Variants in AASS observed in about 807,000 individuals in gnomAD.
AASS encodes the protein aminoadipate-semialdehyde synthase.
In AASS, 86 loss-of-function variants were observed where a neutral mutation model predicts 105.4. That is an observed-to-expected ratio of 0.82 (90% CI 0.69 to 0.98). AASS has a LOEUF of 0.98. Among genes scored for constraint, AASS ranks in the 50% least tolerant of loss-of-function variants. The probability of loss-of-function intolerance (pLI) is 0.00; values close to 1 mark genes in which losing one functional copy is unlikely to be tolerated. For synonymous variants in AASS, 381 were observed against 394.8 expected (o/e 0.96, Z 0.41); for missense variants, 1,048 against 1,143.2 (o/e 0.92, Z 1.20).
chr7:122,118,504 TTTA>T (rs1318401171), intron 5 of AASS, 51 bp from the exon 6 acceptor site: 1 of 1,614,044 alleles, frequency 6.2e-7, no homozygotes, highest in Admixed American at 1.7e-5. Context: ...CAGCATTTTT[TTTA>T]TTATTAAGGT....
intron 3 of AASS, 124 bp from the exon 4 acceptor site, chr7:122,126,583 G>T: frequency 1.2e-6 from 1 of 821,602 alleles, no homozygotes; most frequent in Non-Finnish European, 2.1e-6. Context: ...CTTGCTAACA[G>T]AAGCTACCAT....
At chr7:122,094,229 C>A (rs900760522) in intron 15 of AASS, among the ~76,000 whole-genome samples, 8 of 152,150 alleles carry the variant, frequency 5.3e-5, no homozygotes, top group Middle Eastern at 3.4e-3. Flanking sequence ...GCACATGTAA[C>A]CCCTGATTGT....
At chr7:122,084,640 A>G (rs1279517135) in intron 19 of AASS, among the ~76,000 whole-genome samples, 1 of 152,110 alleles carries the variant, frequency 6.6e-6, no homozygotes, top group East Asian at 1.9e-4. Flanking sequence ...CAGAGAAGAA[A>G]AGAATAAAGC....
At chr7:122,136,378 C>T (rs901263938) in intron 1 of AASS, among the ~76,000 whole-genome samples, 1 of 152,188 alleles carries the variant, frequency 6.6e-6, no homozygotes, top group African/African-American at 2.4e-5. Flanking sequence ...AGAAAAAAAG[C>T]TGCACACAGC....
chr7:122,123,338 G>C (rs1795517845), intron 4 of AASS, among the ~76,000 whole-genome samples: 1 of 152,128 alleles, frequency 6.6e-6, no homozygotes, highest in Non-Finnish European at 1.5e-5. Flanking sequence ...AATTTCTCCA[G>C]ACAGAAAGCC....
intron 11 of AASS, among the ~76,000 whole-genome samples, chr7:122,102,742 T>G (rs1794488054): frequency 6.6e-6 from 1 of 152,066 alleles, no homozygotes; most frequent in Non-Finnish European, 1.5e-5. Context: ...TACCCTTGTC[T>G]ATCTCACTGC....
chr7:122,087,674 C>G (rs1029155220), intron 18 of AASS, among the ~76,000 whole-genome samples: 2 of 152,128 alleles, frequency 1.3e-5, no homozygotes, highest in African/African-American at 2.4e-5. Context: ...ATAGCCTGAG[C>G]GACACAGCAA....
At position 122,077,912 on chromosome 7, in the gene AASS, TC is replaced by T; in HGVS notation, c.2587del (p.Asp863ThrfsTer33). 2 of 1,614,116 alleles carry T rather than the reference TC, an allele frequency of 1.2e-6. No homozygotes were observed. Among genetic ancestry groups the T allele is most frequent in the Non-Finnish European group, 1.7e-6 (2 of 1,180,006 alleles). On this transcript the variant is annotated frameshift_variant, in exon 23 of 24. Transcript: ENST00000417368. LOFTEE classifies it high-confidence loss of function. ...AGCCATGGCTGAAAAGCCATTGATGTCCCCATAAGCCACAAGATCAATCGTT... is the reference window on the plus strand; with the variant it reads ...AGCCATGGCTGAAAAGCCATTGATGTCCCATAAGCCACAAGATCAATCGTT... ...HKTIDLVAYG[D>X]INGFSAMAKT...
rs531319319 is a variant in AASS at position 122,079,206 on chromosome 7, C to T, written c.2397-256G>A. 1.3e-5 allele frequency: 18 copies of T among 1,393,628 alleles called. No homozygotes were observed. In the African/African-American group the frequency reaches 2.6e-4, roughly 20 times the overall value. 86.3% of individuals were successfully genotyped at this position (1,393,628 alleles called of 1,614,324 possible). On this transcript the variant is annotated intron_variant, in intron 21 of 23. Transcript: ENST00000417368. ...GATGGATTGTAATCCCATGTTCTTA[C>T]AAAGATCTTTATGAGATTAATTTAT...
At chr7:122,104,916 C>A (rs1449548850) in intron 11 of AASS, among the ~76,000 whole-genome samples, 3 of 151,848 alleles carry the variant, frequency 2.0e-5, no homozygotes, top group African/African-American at 7.3e-5. Flanking sequence ...ACATGTACCC[C>A]CGAACCTAAA....
At chr7:122,095,124 A>AT (rs1794087083) in intron 15 of AASS, among the ~76,000 whole-genome samples, 2 of 151,834 alleles carry the variant, frequency 1.3e-5, no homozygotes. Flanking sequence ...TCATCCCTAT[A>AT]TTTCTACAGC....
rs1488642249 is a variant in AASS at position 122,094,142 on chromosome 7, CTA to C, written c.1656-986_1656-985del. Among the ~76,000 whole-genome samples the C allele has an allele frequency of 5.9e-5, 9 of 152,228 alleles. No homozygotes were observed. The East Asian group carries it at 1.6e-3, about 26-fold the overall frequency. ...GGGCTGAAAAACAACCTACTGGGTACTATGCTTGCTACTTGGTGACAGATTCA... is the reference window on the plus strand; with the variant it reads ...GGGCTGAAAAACAACCTACTGGGTACTGCTTGCTACTTGGTGACAGATTCA... On this transcript the variant is annotated intron_variant, in intron 15 of 23. Coordinates refer to ENST00000417368, the MANE Select transcript of AASS (RefSeq NM_005763.4).
At chr7:122,142,114 T>C (rs993470739) in intron 1 of AASS, among the ~76,000 whole-genome samples, 8 of 152,202 alleles carry the variant, frequency 5.3e-5, no homozygotes, top group Non-Finnish European at 1.0e-4. Context: ...GTTTCTCTCC[T>C]GGGTTCCTCA....
chr7:122,113,545 T>C (rs1795029370), intron 10 of AASS, 53 bp downstream of exon 10: 5 of 1,597,548 alleles, frequency 3.1e-6, no homozygotes, highest in Admixed American at 1.7e-5. Flanking sequence ...TTTAGAGTAG[T>C]ATATCAATGT....
intron 11 of AASS, among the ~76,000 whole-genome samples, chr7:122,112,093 C>T (rs1489751364): frequency 1.3e-5 from 2 of 152,136 alleles, no homozygotes; most frequent in Non-Finnish European, 2.9e-5. Context: ...GCACCAACTC[C>T]AGACACATTG....
chr7:122,126,383 C>T lies in AASS; in HGVS notation c.464G>A (p.Gly155Asp). The change falls in exon 4 of 24, where the codon GGT becomes GAT. Residue 155 changes from glycine to aspartate, a missense_variant. Transcript: ENST00000417368. ...AGCCCTGGCATACTTACCTGCCACA[C>T]CAGCCCACTGTCCAAATGCCACTAC... ...VRVVAFGQWA[G>D]VAGMINILHG... 1 of 1,613,950 alleles carries T rather than the reference C, an allele frequency of 6.2e-7. No individual in the cohort carries two copies. The highest frequency in any genetic ancestry group is 8.5e-7 in the Non-Finnish European group (1 of 1,179,874).
intron 1 of AASS, among the ~76,000 whole-genome samples, chr7:122,140,843 G>A (rs1271978488): frequency 6.6e-6 from 1 of 150,422 alleles, no homozygotes; most frequent in Non-Finnish European, 1.5e-5. Context: ...AGGATGAACA[G>A]CGCTAATTAT....
chr7:122,084,719 T>A (rs1453136276), intron 19 of AASS, among the ~76,000 whole-genome samples: 2 of 152,034 alleles, frequency 1.3e-5, no homozygotes, highest in Non-Finnish European at 2.9e-5. Context: ...CAAAAAAAGA[T>A]AAGAGAACGA....
chr7:122,138,836 A>G (rs903152090), intron 1 of AASS, among the ~76,000 whole-genome samples: 1 of 152,004 alleles, frequency 6.6e-6, no homozygotes, highest in Admixed American at 6.6e-5. Flanking sequence ...GAGAGAGAGA[A>G]AAAAAAGGAC....
Sources: allele counts gnomAD v4.1 joint callset (sites outside exome capture counted in the v4.1 genomes callset), GRCh38; gene constraint gnomAD v4.1.1; transcripts MANE v1.5; gene names NCBI Gene and HGNC (gene_info 2026-07-23, HGNC 2026-07-21).